Variants in NALCN observed in about 807,000 individuals in gnomAD.
The protein encoded by NALCN is sodium leak channel, non-selective.
A neutral mutation model predicts 225.3 loss-of-function variants in NALCN; 111 were observed. The observed-to-expected ratio is 0.49, with a 90% confidence interval of 0.42 to 0.58. The LOEUF (loss-of-function observed/expected upper bound fraction) is 0.58, where lower values mean the gene tolerates loss of function less well. NALCN is among the 20% of genes least tolerant of loss of function. NALCN has a pLI of 0.00. For synonymous variants in NALCN, 764 were observed against 769.0 expected (o/e 0.99, Z 0.11); for missense variants, 1,378 against 2,202.4 (o/e 0.63, Z 7.49).
intron 15 of NALCN, among the ~76,000 whole-genome samples, chr13:101,151,075 C>T (rs1322591050): frequency 1.3e-5 from 2 of 152,076 alleles, no homozygotes; most frequent in African/African-American, 2.4e-5. Flanking sequence ...ATCAAAGAAA[C>T]AAACTTCAAA....
intron 18 of NALCN, among the ~76,000 whole-genome samples, chr13:101,119,663 T>C (rs1251460274): frequency 2.0e-5 from 3 of 152,262 alleles, no homozygotes; most frequent in Admixed American, 2.0e-4. Flanking sequence ...TGAAAGTACA[T>C]TGCTATTTGT....
chr13:101,406,633 T>A (rs1284231970), intron 1 of NALCN, among the ~76,000 whole-genome samples: 3 of 152,236 alleles, frequency 2.0e-5, no homozygotes, highest in African/African-American at 7.2e-5. Flanking sequence ...TTATGATTTT[T>A]CTCACCACAC....
rs1239197733 is a variant in NALCN at position 101,059,833 on chromosome 13, G to A, written c.4890C>T (p.Asn1630=). 1.9e-6 allele frequency: 3 copies of A among 1,613,998 alleles called. No homozygotes were observed. In the African/African-American group the frequency reaches 4.0e-5, roughly 22 times the overall value. ...GTGCCCATACCTCAGGTTGCATGCT[G>A]TTGTCCTGACTGTTGGCATTCGTGT... The part of the protein sequence containing the change: ...SEDTNANSQD[N]SMQPETSSQQ... The change falls in exon 42 of 44, where the codon AAC becomes AAT. Residue 1630 remains asparagine, a synonymous_variant. Coordinates refer to ENST00000251127, the MANE Select transcript of NALCN (RefSeq NM_052867.4).
chr13:101,294,560 CTTTT>C (rs10615640), intron 7 of NALCN, among the ~76,000 whole-genome samples: 51 of 87,844 alleles, frequency 5.8e-4, no homozygotes, highest in African/African-American at 1.9e-3. Context: ...TTTATTGTTT[CTTTT>C]TTTTTTTTTT....
intron 2 of NALCN, 137 bp from the exon 3 acceptor site, chr13:101,395,502 A>T: frequency 1.4e-6 from 1 of 729,060 alleles, no homozygotes; most frequent in Non-Finnish European, 2.1e-6. Context: ...GAAGAAATCT[A>T]ACACTAAGTG....
chr13:101,100,764 G>T lies in NALCN; in HGVS notation c.3162+20C>A. The T allele has an allele frequency of 6.3e-7, 1 of 1,576,710 alleles. No homozygotes were observed. Among genetic ancestry groups the T allele is most frequent in the Non-Finnish European group, 8.6e-7 (1 of 1,159,932 alleles). On this transcript the variant is annotated intron_variant, in intron 27 of 43. Transcript: ENST00000251127. ...TTGGCCCTTAATTTTTATTTCAAAAGACAGAAAGATACATCTTACCCTTCT... is the reference window on the plus strand; with the variant it reads ...TTGGCCCTTAATTTTTATTTCAAAATACAGAAAGATACATCTTACCCTTCT...
At chr13:101,096,720 G>A (rs2034527027) in intron 27 of NALCN, among the ~76,000 whole-genome samples, 1 of 152,190 alleles carries the variant, frequency 6.6e-6, no homozygotes. Flanking sequence ...TGTGTGGTAT[G>A]TGGATTACAT....
intron 6 of NALCN, among the ~76,000 whole-genome samples, chr13:101,365,770 G>A (rs2046362372): frequency 6.6e-6 from 1 of 152,102 alleles, no homozygotes; most frequent in Non-Finnish European, 1.5e-5. Flanking sequence ...CTGGGCATCT[G>A]TGATGTGTGA....
intron 1 of NALCN, among the ~76,000 whole-genome samples, chr13:101,404,546 G>A (rs1051415145): frequency 2.0e-5 from 3 of 151,684 alleles, no homozygotes; most frequent in East Asian, 1.9e-4. Context: ...GTCTGCCACC[G>A]AACAAGGGGC....
chr13:101,268,495 G>A (rs982837668), intron 10 of NALCN, among the ~76,000 whole-genome samples: 1 of 152,016 alleles, frequency 6.6e-6, no homozygotes, highest in Non-Finnish European at 1.5e-5. Context: ...TATTTTCTGG[G>A]CTTTTCTAAG....
At chr13:101,256,115 A>G (rs1165660200) in intron 11 of NALCN, among the ~76,000 whole-genome samples, 2 of 152,082 alleles carry the variant, frequency 1.3e-5, no homozygotes, top group African/African-American at 4.8e-5. Context: ...TGACTCCATC[A>G]ATATGTTTAA....
At chr13:101,074,704 G>GAGAC (rs2033137197) in intron 35 of NALCN, 42 bp from the exon 36 acceptor site, 17 of 1,549,078 alleles carry the variant, frequency 1.1e-5, no homozygotes, top group Admixed American at 2.0e-5. Flanking sequence ...GAGAGAGAGA[G>GAGAC]AGAGAGAGAC....
intron 27 of NALCN, among the ~76,000 whole-genome samples, chr13:101,096,884 TA>T (rs2139581760): frequency 6.6e-6 from 1 of 152,000 alleles, no homozygotes; most frequent in Admixed American, 6.5e-5. Flanking sequence ...GTGTAGATGG[TA>T]AAATTCTTGA....
intron 20 of NALCN, 59 bp from the exon 21 acceptor site, chr13:101,107,848 T>C: frequency 7.1e-7 from 1 of 1,406,536 alleles, no homozygotes. Context: ...GCAAAATATA[T>C]TATCAGTTAA....
chr13:101,059,718 C>T, intron 42 of NALCN, 100 bp downstream of exon 42: 1 of 1,016,282 alleles, frequency 9.8e-7, no homozygotes, highest in Non-Finnish European at 1.4e-6. Flanking sequence ...AATATTGTCA[C>T]CTTGTTTGAA....
In NALCN at chr13:101,345,365, C is replaced by T. The variant is rs1255554276; in HGVS notation, c.700G>A (p.Glu234Lys). 4 of 1,613,742 alleles carry T rather than the reference C, an allele frequency of 2.5e-6. No homozygotes were observed. Among genetic ancestry groups the T allele is most frequent in the Admixed American group, 1.7e-5 (1 of 59,974 alleles). The change falls in exon 7 of 44, where the codon GAA (glutamate) becomes AAA (lysine). Residue 234 changes from glutamate (E) to lysine (K), a missense_variant. Transcript: ENST00000251127. The stretch of plus-strand genomic sequence containing the variant: ...CCAGGTGGGCACTGGTAGCCTTCTT[C>T]TAGCTCTGGTGAGCAGTGTGTGTCT... ...IPDTHCSPEL[E>K]EGYQCPPGFK...
At chr13:101,336,273 A>G (rs9557617) in intron 7 of NALCN, among the ~76,000 whole-genome samples, 16,713 of 152,194 alleles carry the variant, frequency 0.11, 1,334 homozygotes, top group East Asian at 0.36. Context: ...TGACCCACAC[A>G]GGGAGCTGAG....
In NALCN at chr13:101,271,346, T is replaced by C. The variant is rs141505091; in HGVS notation, c.1134+12587A>G. Among the ~76,000 whole-genome samples, 8 of 152,110 alleles carry C rather than the reference T, an allele frequency of 5.3e-5. No homozygotes were observed. The East Asian group carries it at 1.5e-3, about 29-fold the overall frequency. ...TATTTAAATAAATATATATGGGATA[T>C]TTAGAACTGAGGATTTATACAATTG... is the stretch of plus-strand genomic sequence containing the variant. On this transcript the variant is annotated intron_variant, in intron 10 of 43. Coordinates refer to ENST00000251127, the MANE Select transcript of NALCN (RefSeq NM_052867.4).
chr13:101,226,781 C>T (rs2041160237), intron 13 of NALCN, among the ~76,000 whole-genome samples: 1 of 152,184 alleles, frequency 6.6e-6, no homozygotes. Flanking sequence ...CTCTGCCCTG[C>T]CAGGCCAGCT....
Sources: allele counts gnomAD v4.1 joint callset (sites outside exome capture counted in the v4.1 genomes callset), GRCh38; gene constraint gnomAD v4.1.1; transcripts MANE v1.5; gene names NCBI Gene and HGNC (gene_info 2026-07-23, HGNC 2026-07-21).